RFC3: variants seen among roughly 807,000 people sequenced by gnomAD.
RFC3 encodes the protein A1 38 kDa subunit.
A neutral mutation model predicts 45.1 loss-of-function variants in RFC3; 41 were observed. That is an observed-to-expected ratio of 0.91 (90% confidence interval 0.71 to 1.18). RFC3 has a LOEUF of 1.18. Among genes scored for constraint, RFC3 ranks in the 50% most tolerant of loss-of-function variants. RFC3 has a pLI of 0.00. For missense variants in RFC3, 423 were observed against 428.1 expected, an observed-to-expected ratio of 0.99 and a Z score of 0.10; for synonymous variants, 149 against 144.0, an observed-to-expected ratio of 1.03 and a Z score of -0.25.
chr13:33,969,093 G>T (rs1680584383), downstream of RFC3, among the ~76,000 whole-genome samples: 1 of 152,164 alleles, frequency 6.6e-6, no homozygotes, highest in Admixed American at 6.5e-5. Context: ...AATGAGATCT[G>T]ACAAGTAAAC....
intron 8 of RFC3, among the ~76,000 whole-genome samples, chr13:33,900,413 G>A (rs1359019931): frequency 6.6e-6 from 1 of 151,660 alleles, no homozygotes; most frequent in African/African-American, 2.4e-5. Context: ...AAGTTTCCAA[G>A]AATGTACAAT....
In RFC3 at chr13:33,950,121, G is replaced by A. The variant is rs1409078028; in HGVS notation, c.880-15966G>A. Among the ~76,000 whole-genome samples the A allele has an allele frequency of 4.7e-5, 7 of 149,370 alleles. No individual in the cohort carries two copies. In the East Asian group the frequency reaches 1.4e-3, roughly 29 times the overall value. ...CACACACACACCCCGTTATGGTTTG[G>A]TTTCTCTGGAGAAACCTAGTACAGT... On this transcript the variant is annotated intron_variant, in intron 8 of 8. Transcript: ENST00000434425.
intron 8 of RFC3, among the ~76,000 whole-genome samples, chr13:33,916,691 T>C (rs941861896): frequency 3.3e-5 from 5 of 152,118 alleles, no homozygotes; most frequent in African/African-American, 1.2e-4. Flanking sequence ...TGTGTATATA[T>C]AAGCATGGGC....
intron 8 of RFC3, among the ~76,000 whole-genome samples, chr13:33,917,446 T>G (rs935186535): frequency 5.3e-5 from 8 of 152,136 alleles, no homozygotes; most frequent in Non-Finnish European, 8.8e-5. Context: ...CAGGGCCTCT[T>G]CAGGATCTCC....
chr13:33,922,494 G>A (rs1246336446), intron 8 of RFC3, among the ~76,000 whole-genome samples: 5 of 151,972 alleles, frequency 3.3e-5, no homozygotes, highest in South Asian at 4.1e-4. Context: ...AACTATTTAA[G>A]TATGTTACAA....
chr13:33,824,174 G>T (rs1436121494), intron 3 of RFC3, among the ~76,000 whole-genome samples, 190 bp downstream of exon 3: 2 of 152,030 alleles, frequency 1.3e-5, no homozygotes, highest in African/African-American at 4.8e-5. Flanking sequence ...TGCCTTCTGT[G>T]TCAAATAATT....
exon 9 of RFC3, chr13:33,966,492 G>T: frequency 4.1e-6 from 1 of 244,902 alleles, no homozygotes; most frequent in Non-Finnish European, 8.0e-6. Flanking sequence ...TATTTGTCAT[G>T]TATTTAATAA....
At chr13:33,902,021 A>G (rs2082644701) in intron 8 of RFC3, among the ~76,000 whole-genome samples, 1 of 152,042 alleles carries the variant, frequency 6.6e-6, no homozygotes, top group African/African-American at 2.4e-5. Flanking sequence ...TTTTAAAATT[A>G]CTATTCTGCC....
intron 8 of RFC3, among the ~76,000 whole-genome samples, chr13:33,937,357 A>C (rs2082893584): frequency 6.6e-6 from 1 of 152,198 alleles, no homozygotes; most frequent in Non-Finnish European, 1.5e-5. Flanking sequence ...TGTTTGTAAA[A>C]TGATGAAATA....
rs565422018 is a variant in RFC3, at chr13:33,845,088, T to A, written c.879+9871T>A. ...TAAAATATATTTTCCTTCAGCACTTTAAATATGCCATGCCACTCTTTCCTG... is the reference window on the plus strand; with the variant it reads ...TAAAATATATTTTCCTTCAGCACTTAAAATATGCCATGCCACTCTTTCCTG... On this transcript the variant is annotated intron_variant, in intron 8 of 8. Transcript: ENST00000434425. Among the ~76,000 whole-genome samples the A allele has an allele frequency of 3.1e-3, 475 of 152,318 alleles. 1 individual carries two copies. The highest frequency in any genetic ancestry group is 0.011 in the African/African-American group (454 of 41,584).
At chr13:33,824,375 A>C (rs2082030509) in intron 3 of RFC3, among the ~76,000 whole-genome samples, 1 of 151,860 alleles carries the variant, frequency 6.6e-6, no homozygotes, top group South Asian at 2.1e-4. Flanking sequence ...TTTCTTTGTC[A>C]CTCTCTTTGT....
intron 7 of RFC3, among the ~76,000 whole-genome samples, chr13:33,834,189 T>C (rs2139420329): frequency 6.6e-6 from 1 of 150,456 alleles, no homozygotes; most frequent in South Asian, 2.1e-4. Flanking sequence ...TAAGATTTAA[T>C]GTGCCAGGGC....
At chr13:33,857,901 G>T (rs1323907010) in intron 8 of RFC3, among the ~76,000 whole-genome samples, 2 of 152,312 alleles carry the variant, frequency 1.3e-5, no homozygotes, top group African/African-American at 4.8e-5. Context: ...TCCTGTCTGG[G>T]AGTTTGGAGG....
chr13:33,969,030 C>A (rs933822224), downstream of RFC3, among the ~76,000 whole-genome samples: 1 of 152,194 alleles, frequency 6.6e-6, no homozygotes, highest in Admixed American at 6.5e-5. Flanking sequence ...CATGTCCTCA[C>A]ATTTTAAAAG....
At chr13:33,973,758 C>A in the RFC3 span, among the ~76,000 whole-genome samples, 1 of 151,420 alleles carries the variant, frequency 6.6e-6, no homozygotes, top group Non-Finnish European at 1.5e-5. Context: ...TCAACCGATT[C>A]TCCTGCCTCA....
At chr13:33,855,349 A>C (rs1177289201) in intron 8 of RFC3, among the ~76,000 whole-genome samples, 1 of 152,132 alleles carries the variant, frequency 6.6e-6, no homozygotes, top group Non-Finnish European at 1.5e-5. Context: ...AATGGTGTCT[A>C]TGTGCCTTAT....
intron 8 of RFC3, among the ~76,000 whole-genome samples, chr13:33,922,093 T>G (rs964834444): frequency 2.0e-5 from 3 of 151,332 alleles, no homozygotes; most frequent in African/African-American, 4.9e-5. Flanking sequence ...GTGCCTGGCA[T>G]CATCCACAAG....
intron 8 of RFC3, among the ~76,000 whole-genome samples, chr13:33,896,990 G>A (rs892831679): frequency 1.3e-5 from 2 of 151,878 alleles, no homozygotes; most frequent in African/African-American, 4.8e-5. Context: ...TTATAAGGGA[G>A]TTCTTCAACC....
chr13:33,957,442 T>C (rs1042670203), intron 8 of RFC3, among the ~76,000 whole-genome samples: 3 of 152,172 alleles, frequency 2.0e-5, no homozygotes, highest in African/African-American at 7.2e-5. Context: ...AAACATGGGA[T>C]GAAGTTGCTC....
Sources: gnomAD v4.1 joint callset for allele counts (sites outside exome capture counted in the v4.1 genomes callset) on GRCh38, gnomAD v4.1.1 for gene constraint, MANE v1.5 for transcripts, NCBI Gene and HGNC (gene_info 2026-07-23, HGNC 2026-07-21) for gene names.